The following AP4S1 variants were observed in gnomAD, a reference collection of about 807,000 sequenced individuals.
AP4S1 encodes the protein adaptor related protein complex 4 subunit sigma 1.
In AP4S1, 23 loss-of-function variants were observed where a neutral mutation model predicts 19.8. The observed-to-expected ratio is 1.16, with a 90% confidence interval of 0.84 to 1.65. AP4S1 has a LOEUF of 1.65. Among genes scored for constraint, AP4S1 ranks in the 40% most tolerant of loss-of-function variants. The pLI, the probability that AP4S1 is intolerant of heterozygous loss-of-function variation, is 0.00. For missense variants in AP4S1, 166 were observed against 172.8 expected (o/e 0.96, Z 0.22); for synonymous variants, 46 against 54.1 (o/e 0.85, Z 0.66).
chr14:31,092,461 T>C (rs1458289233), intron 5 of AP4S1, among the ~76,000 whole-genome samples: 1 of 152,184 alleles, frequency 6.6e-6, no homozygotes, highest in African/African-American at 2.4e-5. Flanking sequence ...GAGGATAATA[T>C]GTAACAACAT....
chr14:31,027,003 C>A (rs1884034942), intron 1 of AP4S1: 1 of 152,254 alleles, frequency 6.6e-6, no homozygotes, highest in Non-Finnish European at 1.5e-5. Context: ...GATTCCTCGT[C>A]TCTGTCTTGA....
intron 1 of AP4S1, among the ~76,000 whole-genome samples, chr14:31,059,973 TTATGTATA>T (rs1886333460): frequency 1.4e-5 from 1 of 72,018 alleles, no homozygotes; most frequent in Non-Finnish European, 3.0e-5. Flanking sequence ...ATATATGTAT[TTATGTATA>T]TATGTATATA....
At chr14:31,036,401 T>A (rs1884778089) in intron 1 of AP4S1, among the ~76,000 whole-genome samples, 3 of 152,144 alleles carry the variant, frequency 2.0e-5, no homozygotes, top group Admixed American at 1.3e-4. Flanking sequence ...TTATTAAGTG[T>A]TTATTTTTTA....
At chr14:31,050,656 A>G (rs1566521735) in intron 1 of AP4S1, among the ~76,000 whole-genome samples, 1 of 152,204 alleles carries the variant, frequency 6.6e-6, no homozygotes, top group Non-Finnish European at 1.5e-5. Flanking sequence ...TTTCGTATAC[A>G]CTTGCCCATC....
chr14:31,025,303 GAAAGTACTT>G (rs1224655697), upstream of AP4S1: 1 of 155,134 alleles, frequency 6.4e-6, no homozygotes, highest in African/African-American at 2.4e-5. Context: ...TCTCAGGTGA[GAAAGTACTT>G]AAAGTTGACG....
rs1249864254 is a variant in AP4S1 at position 31,093,062 on chromosome 14, A to T, written c.*27A>T. The T allele has an allele frequency of 1.3e-6, 2 of 1,543,874 alleles. No individual in the cohort carries two copies. The highest frequency in any genetic ancestry group is 2.4e-5 in the South Asian group (2 of 82,268). ...AGGAAGTCTCTTCGAGACAATATGG[A>T]TTTATCAGAAATGCGAGTACCGTGG... On this transcript the variant is annotated 3_prime_UTR_variant, in exon 6 of 6. Coordinates refer to ENST00000542754, the MANE Select transcript of AP4S1 (RefSeq NM_001128126.3).
In AP4S1 at chr14:31,034,866, A is replaced by G. The variant is rs1269978465; in HGVS notation, c.-72+9079A>G. 2.6e-5 allele frequency among the ~76,000 whole-genome samples: 4 copies of G among 151,556 alleles called. No homozygotes were observed. In the East Asian group the frequency reaches 5.8e-4, roughly 22 times the overall value. The stretch of plus-strand genomic sequence containing the variant: ...GGTCTCAAACTCCCGACCTCAGGTG[A>G]TCCACCTGCCTTGGCCTCCCAAAGT... On this transcript the variant is annotated intron_variant, in intron 1 of 5. Transcript: ENST00000542754.
intron 4 of AP4S1, among the ~76,000 whole-genome samples, chr14:31,075,720 A>G (rs927468303): frequency 2.7e-5 from 4 of 147,386 alleles, no homozygotes; most frequent in Non-Finnish European, 5.9e-5. Flanking sequence ...ATGATATTCC[A>G]TTGTATGGAT....
chr14:31,025,907 C>T (rs367622422), intron 1 of AP4S1, 120 bp downstream of exon 1: 1 of 1,600,692 alleles, frequency 6.2e-7, no homozygotes, highest in South Asian at 1.1e-5. Flanking sequence ...GAGGTACCTG[C>T]AGTTCGGCCC....
chr14:31,064,167 G>A (rs1166923518), intron 1 of AP4S1, among the ~76,000 whole-genome samples: 3 of 152,202 alleles, frequency 2.0e-5, no homozygotes, highest in Non-Finnish European at 4.4e-5. Flanking sequence ...TGAGTTAGGG[G>A]TGTCATGGAT....
chr14:31,035,679 A>G (rs1365006177), intron 1 of AP4S1, among the ~76,000 whole-genome samples: 3 of 141,768 alleles, frequency 2.1e-5, no homozygotes, highest in African/African-American at 8.0e-5. Flanking sequence ...GACCCCCCTC[A>G]TGGTCATGCC....
chr14:31,027,726 G>A (rs1785076735), intron 1 of AP4S1, among the ~76,000 whole-genome samples: 1 of 152,186 alleles, frequency 6.6e-6, no homozygotes, highest in Admixed American at 6.5e-5. Context: ...AATATTTTAA[G>A]TACAATAGTG....
Position 31,025,769 on chromosome 14 carries a change from C to T in AP4S1, c.-90C>T. ...CAGGAAAAGCCGTTGAGAGGACCAT[C>T]ACAACCTGAGCAGCACAGGTAGGTT... On this transcript the variant is annotated 5_prime_UTR_variant, in exon 1 of 6. Transcript: ENST00000542754. 2 of 1,265,806 alleles carry T rather than the reference C, an allele frequency of 1.6e-6. No homozygotes were observed. Among genetic ancestry groups the T allele is most frequent in the Non-Finnish European group, 2.1e-6 (2 of 933,296 alleles). The allele number at this position is 1,265,806 out of a possible 1,614,324, so 78.4% of individuals were successfully genotyped here.
Position 31,055,179 on chromosome 14 carries a change from G to A in AP4S1, c.-71-10947G>A, listed in dbSNP as rs1050405402. On this transcript the variant is annotated intron_variant, in intron 1 of 5. Transcript: ENST00000542754. ...ATATATTTGTATACTGGGCCACAAT[G>A]TAAAATCTTTCTCTCACAGTCACAG... 5.3e-5 allele frequency among the ~76,000 whole-genome samples: 8 copies of A among 151,736 alleles called. No individual in the cohort carries two copies. In the South Asian group the frequency reaches 8.3e-4, roughly 16 times the overall value.
In AP4S1 at chr14:31,052,730, A is replaced by G. The variant is rs563703954; in HGVS notation, c.-71-13396A>G. ...GTGACAAGAGCAAGACTCCCTCTCAAAAAAAAAAAAAAAAAAAGGTAGAAT... is the reference window on the plus strand; with the variant it reads ...GTGACAAGAGCAAGACTCCCTCTCAGAAAAAAAAAAAAAAAAAGGTAGAAT... On this transcript the variant is annotated intron_variant, in intron 1 of 5. Coordinates refer to ENST00000542754, the MANE Select transcript of AP4S1 (RefSeq NM_001128126.3). Among the ~76,000 whole-genome samples, 1,344 of 143,438 alleles carry G rather than the reference A, an allele frequency of 9.4e-3. 20 individuals carry two copies. Among genetic ancestry groups the G allele is most frequent in the African/African-American group, 0.032 (1,261 of 39,020 alleles). 94.1% of individuals were successfully genotyped at this position (143,438 alleles called of 152,430 possible). A position where few individuals can be genotyped will look rare whatever the true frequency, so the allele number is the denominator to read the frequency against.
At chr14:31,055,229 T>G (rs17097688) in intron 1 of AP4S1, among the ~76,000 whole-genome samples, 16,671 of 152,082 alleles carry the variant, frequency 0.11, 1,073 homozygotes, top group South Asian at 0.25. Context: ...ATTGCTTTTC[T>G]GGTAGGAGAT....
chr14:31,081,279 C>G (rs767006127), intron 5 of AP4S1, among the ~76,000 whole-genome samples: 7 of 152,166 alleles, frequency 4.6e-5, no homozygotes, highest in Non-Finnish European at 1.0e-4. Context: ...GTCTAAATCT[C>G]TAGAAATCCC....
At chr14:31,067,186 C>G (rs1246841265) in intron 2 of AP4S1, among the ~76,000 whole-genome samples, 1 of 141,766 alleles carries the variant, frequency 7.1e-6, no homozygotes, top group Non-Finnish European at 1.5e-5. Flanking sequence ...CCAGCCTGAG[C>G]GACAAGAGCA....
intron 2 of AP4S1, among the ~76,000 whole-genome samples, chr14:31,068,417 C>T (rs1289587941): frequency 6.6e-6 from 1 of 152,242 alleles, no homozygotes. Flanking sequence ...TCTCCCTTGG[C>T]ATCTCAACTG....
Sources: allele counts gnomAD v4.1 joint callset (sites outside exome capture counted in the v4.1 genomes callset), GRCh38; gene constraint gnomAD v4.1.1; transcripts MANE v1.5; gene names NCBI Gene and HGNC (gene_info 2026-07-23, HGNC 2026-07-21).